The following GLIS1 variants were observed in gnomAD, a reference collection of about 807,000 sequenced individuals.
GLIS1 encodes zinc finger protein GLIS1.
Under a neutral mutation model 63.8 loss-of-function variants are expected in GLIS1, and 24 were observed. The observed-to-expected ratio is 0.38, with a 90% CI of 0.27 to 0.53. The LOEUF (loss-of-function observed/expected upper bound fraction) is 0.53, where lower values mean the gene tolerates loss of function less well. Ranked by LOEUF, GLIS1 falls within the 20% of genes least tolerant of loss-of-function variation. The pLI, the probability that GLIS1 is intolerant of heterozygous loss-of-function variation, is 0.85. For missense variants in GLIS1, 1,036 were observed against 1,074.1 expected, an observed-to-expected ratio of 0.96 and a Z score of 0.50; for synonymous variants, 450 against 482.5, an observed-to-expected ratio of 0.93 and a Z score of 0.88.
rs1161339682 is a variant in GLIS1, at chr1:53,526,159, C to A, written c.1483-1272G>T. On this transcript the variant is annotated intron_variant, in intron 5 of 10. Coordinates refer to ENST00000628545, the MANE Select transcript of GLIS1 (RefSeq NM_001367484.1). The surrounding 1 kb of genome is among the most constrained non-coding windows in gnomAD (Gnocchi z 4.4). ...AGGAGAAGGATTGGAGGAAATGACA[C>A]CTCTCAGAGTGAGTGCCAGGGACTG... Among the ~76,000 whole-genome samples, 1 of 152,148 alleles carries A rather than the reference C, an allele frequency of 6.6e-6. No individual in the cohort carries two copies. The highest frequency in any genetic ancestry group is 1.5e-5 in the Non-Finnish European group (1 of 68,012).
rs79009417 is a variant in GLIS1, at chr1:53,697,650, T to C, written c.259+40156A>G. Among the ~76,000 whole-genome samples, 273 of 152,330 alleles carry C rather than the reference T, an allele frequency of 1.8e-3. 1 individual carries two copies. The highest frequency in any genetic ancestry group is 6.3e-3 in the African/African-American group (261 of 41,572). ...GAGAAACAGCTCTTCTGGAAGGACC[T>C]ACCCATCCATCACACTCCTTCCACA... On this transcript the variant is annotated intron_variant, in intron 2 of 10. Coordinates refer to ENST00000628545, the MANE Select transcript of GLIS1 (RefSeq NM_001367484.1).
intron 2 of GLIS1, among the ~76,000 whole-genome samples, chr1:53,643,733 T>A (rs1645812344): frequency 6.6e-6 from 1 of 152,178 alleles, no homozygotes; most frequent in African/African-American, 2.4e-5. Context: ...AGGGCTACGA[T>A]GAGCACCAGG....
intron 2 of GLIS1, among the ~76,000 whole-genome samples, chr1:53,712,706 G>A (rs1440480506): frequency 1.3e-5 from 2 of 152,224 alleles, no homozygotes; most frequent in African/African-American, 4.8e-5. Flanking sequence ...GCTGGCAGAA[G>A]TGGCTTGCAG....
At chr1:53,717,632 T>A (rs1646714083) in intron 2 of GLIS1, among the ~76,000 whole-genome samples, 1 of 152,178 alleles carries the variant, frequency 6.6e-6, no homozygotes, top group African/African-American at 2.4e-5. Context: ...TCTGCTTAAA[T>A]GTCACCCTAT....
At chr1:53,669,506 C>G (rs867222879) in intron 2 of GLIS1, among the ~76,000 whole-genome samples, 3 of 152,226 alleles carry the variant, frequency 2.0e-5, no homozygotes, top group Admixed American at 6.5e-5. Flanking sequence ...AAGACCAGAT[C>G]TCCTGCATGT....
At chr1:53,694,838 G>C (rs552915641) in intron 2 of GLIS1, among the ~76,000 whole-genome samples, 1 of 152,330 alleles carries the variant, frequency 6.6e-6, no homozygotes, top group East Asian at 1.9e-4. Context: ...ATGTTGCACA[G>C]GACAACGGTA....
At position 53,529,920 on chromosome 1, in the gene GLIS1, C is replaced by T. The variant is rs952330882; in HGVS notation, c.1353G>A (p.Leu451=). The change falls in exon 5 of 11, where the codon CTG becomes CTA. Residue 451 remains leucine, a synonymous_variant. Transcript: ENST00000628545. ...FEGCSKAFSR[L]ENLKIHLRSH... ...TCCTCAGGTGGATCTTGAGGTTCTC[C>T]AGCCGTGAGAAGGCCTTGCTGCAGC... 3 of 1,613,840 alleles carry T rather than the reference C, an allele frequency of 1.9e-6. No homozygotes were observed. The highest frequency in any genetic ancestry group is 2.5e-6 in the Non-Finnish European group (3 of 1,179,942).
At chr1:53,631,426 A>G (rs1327977425) in intron 2 of GLIS1, among the ~76,000 whole-genome samples, 1 of 152,178 alleles carries the variant, frequency 6.6e-6, no homozygotes, top group African/African-American at 2.4e-5. Context: ...AACACCAGAG[A>G]GTTATAATAA....
chr1:53,539,562 T>A lies in GLIS1; in HGVS notation c.1321-9610A>T, dbSNP rs1057133633. 3.7e-5 allele frequency among the ~76,000 whole-genome samples: 5 copies of A among 133,924 alleles called. No individual in the cohort carries two copies. Among genetic ancestry groups the A allele is most frequent in the Non-Finnish European group, 8.1e-5 (5 of 61,694 alleles). 87.9% of individuals were successfully genotyped at this position (133,924 alleles called of 152,430 possible). On this transcript the variant is annotated intron_variant, in intron 4 of 10. Transcript: ENST00000628545. The surrounding 1 kb of genome is among the most constrained non-coding windows in gnomAD (Gnocchi z 5.0). ...ACGGTATACACCCCCCCACACACAC[T>A]ACACATCATACACATAAACTGTGTT... is the stretch of plus-strand genomic sequence containing the variant.
At chr1:53,733,951 A>T (rs1004904404) in intron 2 of GLIS1, 3 of 985,284 alleles carry the variant, frequency 3.0e-6, no homozygotes, top group Admixed American at 6.2e-5. Flanking sequence ...CCAGAACATC[A>T]CAGGAGCTTC....
intron 4 of GLIS1, among the ~76,000 whole-genome samples, chr1:53,536,310 A>G (rs545514): frequency 0.81 from 123,454 of 152,002 alleles, 50,957 homozygotes; most frequent in Middle Eastern, 0.9. Flanking sequence ...AAAAGCAGGC[A>G]TGTATAACAA....
intron 2 of GLIS1, among the ~76,000 whole-genome samples, chr1:53,724,687 T>C (rs563274009): frequency 6.6e-6 from 1 of 152,174 alleles, no homozygotes; most frequent in South Asian, 2.1e-4. Context: ...CTAGCTAATT[T>C]TTAAATTTTA....
At chr1:53,606,075 T>C (rs532014789) in intron 2 of GLIS1, among the ~76,000 whole-genome samples, 1 of 152,320 alleles carries the variant, frequency 6.6e-6, no homozygotes, top group Non-Finnish European at 1.5e-5. Context: ...ATCTATAAAA[T>C]GGGGATAAGA....
Position 53,520,600 on chromosome 1 carries a change from C to CTACG in GLIS1, c.1726+30_1726+33dup. The CTACG allele has an allele frequency of 3.2e-6, 5 of 1,574,218 alleles. No individual in the cohort carries two copies. The African/African-American group carries it at 4.1e-5, about 13-fold the overall frequency. ...TGGGCAGAGAAAGGCCCCTCCTGGG[C>CTACG]TACGCCCCTGGCCCTGCCTCCCCGC... On this transcript the variant is annotated intron_variant, in intron 7 of 10. Transcript: ENST00000628545.
chr1:53,676,741 G>T (rs1231644090), intron 2 of GLIS1, among the ~76,000 whole-genome samples: 3 of 152,120 alleles, frequency 2.0e-5, no homozygotes, highest in East Asian at 1.9e-4. Flanking sequence ...GAGGCCAGAA[G>T]CACCCTCCAC....
chr1:53,725,771 C>T (rs1440219684), intron 2 of GLIS1, among the ~76,000 whole-genome samples: 3 of 152,228 alleles, frequency 2.0e-5, no homozygotes, highest in Non-Finnish European at 4.4e-5. Context: ...CTACATACTT[C>T]ATCCCATCTG....
chr1:53,605,706 C>G (rs1205847568), intron 2 of GLIS1, among the ~76,000 whole-genome samples: 3 of 152,206 alleles, frequency 2.0e-5, no homozygotes, highest in African/African-American at 7.2e-5. Flanking sequence ...ATGATTTTGT[C>G]CAACTTGCTT....
rs540389991 is a variant in GLIS1 at position 53,727,620 on chromosome 1, G to A, written c.259+10186C>T. Among the ~76,000 whole-genome samples, 5 of 152,352 alleles carry A rather than the reference G, an allele frequency of 3.3e-5. No homozygotes were observed. The South Asian group carries it at 1.0e-3, about 32-fold the overall frequency. The stretch of plus-strand genomic sequence containing the variant: ...GCCAATGGTCAGTCACTGCAGGACA[G>A]TCATCAGGCCCCAAGCTCCTCCACC... On this transcript the variant is annotated intron_variant, in intron 2 of 10. Coordinates refer to ENST00000628545, the MANE Select transcript of GLIS1 (RefSeq NM_001367484.1).
At chr1:53,636,170 A>T (rs1443633213) in intron 2 of GLIS1, among the ~76,000 whole-genome samples, 1 of 152,232 alleles carries the variant, frequency 6.6e-6, no homozygotes, top group Non-Finnish European at 1.5e-5. Context: ...AATTTCATTC[A>T]TGAGTACAGA....
Sources: allele counts gnomAD v4.1 joint callset (sites outside exome capture counted in the v4.1 genomes callset), GRCh38; gene constraint gnomAD v4.1.1; non-coding constraint Gnocchi (gnomAD v3.1); transcripts MANE v1.5; gene names NCBI Gene and HGNC (gene_info 2026-07-23, HGNC 2026-07-21).